Variants in ZNF544 observed in about 807,000 individuals in gnomAD.
ZNF544 encodes the protein zinc finger protein 544, also known as zinc finger protein AF020591.
ZNF544 carries 10 observed loss-of-function variants against 13.5 expected under a neutral mutation model. The observed-to-expected ratio is 0.74, with a 90% CI of 0.46 to 1.25. ZNF544 has a LOEUF of 1.25. Ranked by LOEUF, ZNF544 falls within the 50% of genes most tolerant of loss-of-function variation. The pLI is 0.00. For missense variants in ZNF544, 896 were observed against 845.6 expected, an observed-to-expected ratio of 1.06 and a Z score of -0.74; for synonymous variants, 323 against 300.5, an observed-to-expected ratio of 1.07 and a Z score of -0.77.
intron 1 of ZNF544, 72 bp downstream of exon 1, chr19:58,229,018 G>A (rs1008493238): frequency 2.0e-5 from 3 of 152,630 alleles, no homozygotes; most frequent in Admixed American, 2.0e-4. Flanking sequence ...CGCAGGACCA[G>A]GCCAGAGCCG....
chr19:58,236,669 A>G (rs1381838883), intron 3 of ZNF544, among the ~76,000 whole-genome samples: 1 of 151,898 alleles, frequency 6.6e-6, no homozygotes, highest in African/African-American at 2.4e-5. Flanking sequence ...ACATCGATAC[A>G]TATTGTTACT....
chr19:58,261,459 C>T lies in ZNF544; in HGVS notation c.853C>T (p.Leu285=), dbSNP rs143925914. The change falls in exon 7 of 7, where the codon CTG becomes TTG. Residue 285 remains leucine, a synonymous_variant. Transcript: ENST00000687789. ...AAACCTCTTCAGTCACAGTGTGTCT[C>T]TGAATGAACAGAAGCCAGTGCATTT... ...YGNLFSHSVS[L]NEQKPVHFGK... The T allele has an allele frequency of 4.5e-4, 733 of 1,614,030 alleles. 1 individual carries two copies. The highest frequency in any genetic ancestry group is 5.8e-4 in the Non-Finnish European group (686 of 1,180,040).
At chr19:58,272,921 T>C (rs1186786229) in intron 5 of ZNF544, among the ~76,000 whole-genome samples, 3 of 151,526 alleles carry the variant, frequency 2.0e-5, no homozygotes, top group South Asian at 4.2e-4. Context: ...CGGTGGCTCA[T>C]GCCTGTAATC....
In ZNF544 at chr19:58,233,157, CTG is replaced by C. The variant is rs201389625; in HGVS notation, c.-60+2697_-60+2698del. ...TGTAAAAGCGTCAGATCTCGTGAAA[CTG>C]TCATAAGAACAGCAAGGAAAAGACC... On this transcript the variant is annotated intron_variant, in intron 3 of 6. Coordinates refer to ENST00000687789, the MANE Select transcript of ZNF544 (RefSeq NM_014480.4). Among the ~76,000 whole-genome samples the C allele has an allele frequency of 1.5e-3, 234 of 152,122 alleles. 3 individuals are homozygous for C. The East Asian group carries it at 0.036, about 23-fold the overall frequency.
intron 6 of ZNF544, among the ~76,000 whole-genome samples, chr19:58,253,783 T>C (rs533993434): frequency 6.6e-6 from 1 of 152,314 alleles, no homozygotes; most frequent in South Asian, 2.1e-4. Context: ...ACCAGGACCA[T>C]TTTTTGTTTT....
At chr19:58,241,157 ATTTAAATATATATATATATATATT>A (rs1298236549) in intron 3 of ZNF544, among the ~76,000 whole-genome samples, 5 of 91,344 alleles carry the variant, frequency 5.5e-5, no homozygotes, top group Non-Finnish European at 1.0e-4. Context: ...ATATATATAT[ATTTAAATATATATATATATATATT>A]TTTTTTTTTT....
Position 58,263,089 on chromosome 19 carries a change from A to G in ZNF544, c.*335A>G. 1 of 1,059,368 alleles carries G rather than the reference A, an allele frequency of 9.4e-7. No homozygotes were observed. Among genetic ancestry groups the G allele is most frequent in the Non-Finnish European group, 1.1e-6 (1 of 875,134 alleles). 65.6% of individuals were successfully genotyped at this position (1,059,368 alleles called of 1,614,324 possible). ...CTGGAGAGAAGCCCTGTGAATGTTAACAAATGTGGAAAAGCTTCCAGTTAT... is the reference window on the plus strand; with the variant it reads ...CTGGAGAGAAGCCCTGTGAATGTTAGCAAATGTGGAAAAGCTTCCAGTTAT... On this transcript the variant is annotated 3_prime_UTR_variant, in exon 7 of 7. Coordinates refer to ENST00000687789, the MANE Select transcript of ZNF544 (RefSeq NM_014480.4).
chr19:58,234,232 G>A (rs58751173), intron 3 of ZNF544, among the ~76,000 whole-genome samples: 12,639 of 152,224 alleles, frequency 0.083, 1,773 homozygotes, highest in African/African-American at 0.28. Context: ...CTATGCTCAG[G>A]TCACGGGATG....
chr19:58,273,570 A>C (rs1021056821), intron 5 of ZNF544, among the ~76,000 whole-genome samples: 14 of 151,448 alleles, frequency 9.2e-5, no homozygotes, highest in African/African-American at 3.4e-4. Context: ...GGTGTCTGTA[A>C]TCCCAGCTAT....
At position 58,261,136 on chromosome 19, in the gene ZNF544, C is replaced by T. The variant is rs377127301; in HGVS notation, c.530C>T (p.Thr177Ile). 58 of 1,614,006 alleles carry T rather than the reference C, an allele frequency of 3.6e-5. No homozygotes were observed. The highest frequency in any genetic ancestry group is 4.9e-5 in the Non-Finnish European group (58 of 1,180,036). The change falls in exon 7 of 7, where the codon ACA (threonine) becomes ATA (isoleucine). Residue 177 changes from threonine (T) to isoleucine (I), a missense_variant. Thr to Ile is a moderately conservative substitution (Grantham distance 89). Transcript: ENST00000687789. ...TCTACTTTAAGCCTTCTACCTACAACATTACCTACAAGTACAGGTTTCCCT... is the reference window on the plus strand; with the variant it reads ...TCTACTTTAAGCCTTCTACCTACAATATTACCTACAAGTACAGGTTTCCCT... ...LPSTLSLLPT[T>I]LPTSTGFPKP...
chr19:58,251,973 C>A (rs1258984880), intron 6 of ZNF544, among the ~76,000 whole-genome samples: 1 of 152,036 alleles, frequency 6.6e-6, no homozygotes, highest in African/African-American at 2.4e-5. Flanking sequence ...TTGAGGTAAC[C>A]CAAACCAGGG....
At chr19:58,234,982 TTCTC>T (rs1196565786) in intron 3 of ZNF544, among the ~76,000 whole-genome samples, 2 of 152,188 alleles carry the variant, frequency 1.3e-5, no homozygotes, top group African/African-American at 2.4e-5. Context: ...ACAGGAAGAT[TTCTC>T]TCTCTTTTTG....
chr19:58,273,429 G>A lies in ZNF544; in HGVS notation c.245-2894G>A, dbSNP rs530524552. On this transcript the variant is annotated intron_variant, in intron 5 of 6. Transcript: ENST00000595981. The stretch of plus-strand genomic sequence containing the variant: ...GCCTAGGCCGGGAACGATGGCTCAC[G>A]CCTGTAATCCCAGCACTTTGGGAGG... Among the ~76,000 whole-genome samples the A allele has an allele frequency of 3.3e-5, 5 of 152,196 alleles. No homozygotes were observed. The East Asian group carries it at 5.8e-4, about 18-fold the overall frequency.
In ZNF544 at chr19:58,244,068, G is replaced by A. The variant is rs1320656619; in HGVS notation, c.33+12G>A. On this transcript the variant is annotated intron_variant, in intron 4 of 6. Transcript: ENST00000687789. The stretch of plus-strand genomic sequence containing the variant: ...TGGTTCCACCCCAGGTGAGTGGGGG[G>A]TCTTTGCTCTCAGTGCCTTGGTCTC... The A allele has an allele frequency of 6.2e-7, 1 of 1,605,320 alleles. No individual in the cohort carries two copies. The highest frequency in any genetic ancestry group is 8.5e-7 in the Non-Finnish European group (1 of 1,175,472).
At chr19:58,229,671 GC>G (rs1282568073) in intron 2 of ZNF544, 101 bp downstream of exon 2, 5 of 152,438 alleles carry the variant, frequency 3.3e-5, no homozygotes, top group African/African-American at 1.2e-4. Context: ...GGTGTTGGGG[GC>G]CTGCACTGGT....
chr19:58,273,354 C>G (rs1188206653), intron 5 of ZNF544, among the ~76,000 whole-genome samples: 1 of 152,124 alleles, frequency 6.6e-6, no homozygotes, highest in East Asian at 1.9e-4. Context: ...AAAATAAGTA[C>G]TCTGTATCAA....
chr19:58,261,565 G>A lies in ZNF544; in HGVS notation c.959G>A (p.Gly320Asp), dbSNP rs765962490. The change falls in exon 7 of 7, where the codon GGC becomes GAC. Residue 320 changes from glycine (G) to aspartate (D), a missense_variant. Gly to Asp is a moderately conservative substitution (Grantham distance 94). Coordinates refer to ENST00000687789, the MANE Select transcript of ZNF544 (RefSeq NM_014480.4). ...SLCLVQTERS[G>D]PGETPFRCEE... ...TGCCTTGTACAAACAGAAAGAAGTG[G>A]CCCTGGAGAGACCCCCTTCAGATGT... The A allele has an allele frequency of 5.0e-6, 8 of 1,614,040 alleles. No individual in the cohort carries two copies. The African/African-American group carries it at 9.3e-5, about 19-fold the overall frequency.
chr19:58,264,698 C>A (rs181995), downstream of ZNF544, among the ~76,000 whole-genome samples: 6 of 148,650 alleles, frequency 4.0e-5, no homozygotes, highest in Non-Finnish European at 7.4e-5. Context: ...CTCAAAAAAA[C>A]AAACAAACAA....
downstream of ZNF544, chr19:58,266,621 T>C (rs2049947783): frequency 6.6e-6 from 1 of 150,552 alleles, no homozygotes; most frequent in Non-Finnish European, 1.5e-5. Flanking sequence ...TGGCAGCAGA[T>C]GTGGCAGCCC....
Sources: gnomAD v4.1 joint callset for allele counts (sites outside exome capture counted in the v4.1 genomes callset) on GRCh38, gnomAD v4.1.1 for gene constraint, MANE v1.5 for transcripts, NCBI Gene and HGNC (gene_info 2026-07-23, HGNC 2026-07-21) for gene names.